The following FANCA variants were observed in gnomAD, a reference collection of about 807,000 sequenced individuals.
The protein encoded by FANCA is Fanconi anemia group A protein.
A neutral mutation model predicts 194.3 loss-of-function variants in FANCA; 236 were observed. The observed-to-expected ratio is 1.21, with a 90% CI of 1.09 to 1.35. The LOEUF (loss-of-function observed/expected upper bound fraction) is 1.35, where lower values mean the gene tolerates loss of function less well. FANCA is among the 40% of genes most tolerant of loss of function. The pLI is 0.00. For synonymous variants in FANCA, 1,014 were observed against 715.8 expected (o/e 1.42, Z -6.65); for missense variants, 2,628 against 1,813.9 (o/e 1.45, Z -8.15).
rs1338127562 is a variant in FANCA, at chr16:89,792,736, T to C, written c.1007-189A>G. 9.0e-6 allele frequency: 5 copies of C among 556,662 alleles called. No homozygotes were observed. In the East Asian group the frequency reaches 1.7e-4, roughly 19 times the overall value. 34.5% of individuals were successfully genotyped at this position (556,662 alleles called of 1,614,324 possible). On this transcript the variant is annotated intron_variant, in intron 11 of 42. Transcript: ENST00000389301. ...GGGCCCGGGGGACCACTACCATCAA[T>C]GCGCGGAGACCGGTAGTGGCCCTGA...
intron 14 of FANCA, among the ~76,000 whole-genome samples, chr16:89,788,791 C>G (rs1477242819): frequency 6.6e-6 from 1 of 152,094 alleles, no homozygotes; most frequent in African/African-American, 2.4e-5. Flanking sequence ...CACTCAGTCT[C>G]TTAAAAGAAA....
At chr16:89,751,265 C>A (rs757245769) in intron 31 of FANCA, among the ~76,000 whole-genome samples, 1 of 151,896 alleles carries the variant, frequency 6.6e-6, no homozygotes, top group Non-Finnish European at 1.5e-5. Context: ...TTTTGGAGAC[C>A]GAGATGGGTG....
intron 23 of FANCA, 126 bp from the exon 24 acceptor site, chr16:89,770,760 G>GT: frequency 3.7e-6 from 3 of 815,994 alleles, no homozygotes; most frequent in Non-Finnish European, 6.2e-6. Context: ...AAACAGGCTT[G>GT]TTTGGAGGGC....
At chr16:89,775,401 T>G (rs898669032) in intron 21 of FANCA, among the ~76,000 whole-genome samples, 3 of 152,230 alleles carry the variant, frequency 2.0e-5, no homozygotes, top group Admixed American at 6.5e-5. Flanking sequence ...GCCAGCGCTG[T>G]GGGCCCCAAG....
At chr16:89,755,231 GAC>G (rs968754605) in intron 30 of FANCA, among the ~76,000 whole-genome samples, 2 of 148,936 alleles carry the variant, frequency 1.3e-5, no homozygotes, top group Non-Finnish European at 3.0e-5. Context: ...TTTTTTTTGA[GAC>G]AGTCTCTCAC....
chr16:89,797,816 A>G (rs2040299711), intron 10 of FANCA, among the ~76,000 whole-genome samples: 1 of 152,000 alleles, frequency 6.6e-6, no homozygotes, highest in Admixed American at 6.6e-5. Flanking sequence ...AATTGATTGA[A>G]CCTGGGAGGC....
At chr16:89,759,218 G>C (rs1391452583) in intron 29 of FANCA, among the ~76,000 whole-genome samples, 1 of 150,570 alleles carries the variant, frequency 6.6e-6, no homozygotes, top group South Asian at 2.1e-4. Context: ...TACTCAGGAG[G>C]CTGAGGCAGG....
At chr16:89,750,496 C>A (rs1352585854) in intron 31 of FANCA, among the ~76,000 whole-genome samples, 5,784 of 123,504 alleles carry the variant, frequency 0.047, 297 homozygotes, top group East Asian at 0.17. Context: ...AAAAAACAAA[C>A]AAAAAAAAAC....
intron 8 of FANCA, among the ~76,000 whole-genome samples, chr16:89,801,895 CACAAAAAA>C (rs1175931827): frequency 6.6e-6 from 1 of 151,306 alleles, no homozygotes; most frequent in East Asian, 1.9e-4. Context: ...CTCAAAAAAA[CACAAAAAA>C]ACAAAAAAAA....
At chr16:89,790,418 A>T (rs1012266665) in intron 14 of FANCA, among the ~76,000 whole-genome samples, 3 of 148,998 alleles carry the variant, frequency 2.0e-5, no homozygotes, top group Non-Finnish European at 4.4e-5. Context: ...GTAAATAAAT[A>T]AAATAAATAA....
rs568783222 is a variant in FANCA, at chr16:89,766,583, C to T, written c.2601+558G>A. 3.1e-4 allele frequency among the ~76,000 whole-genome samples: 47 copies of T among 152,072 alleles called. 1 individual carries two copies. In the South Asian group the frequency reaches 9.2e-3, roughly 30 times the overall value. On this transcript the variant is annotated intron_variant, in intron 27 of 42. Transcript: ENST00000389301. ...CAAAACAATTAGCCGGGTATGGTGG[C>T]ACGTGCCTGTAATCCCAGCAACTTG...
chr16:89,779,549 G>A (rs1395374413), intron 18 of FANCA, among the ~76,000 whole-genome samples: 2 of 152,168 alleles, frequency 1.3e-5, no homozygotes, highest in African/African-American at 4.8e-5. Context: ...CACGGGAGGG[G>A]CATCACCTGC....
intron 37 of FANCA, 146 bp downstream of exon 37, chr16:89,742,654 A>AAAAAAAAAAAAAC: frequency 7.5e-6 from 1 of 134,028 alleles, no homozygotes; most frequent in Non-Finnish European, 1.3e-5. Context: ...CTAAAAATAC[A>AAAAAAAAAAAAAC]AAAAAAAAAA....
At position 89,795,284 on chromosome 16, in the gene FANCA, CAATAAATA is replaced by C. The variant is rs71391243; in HGVS notation, c.1006+614_1006+621del. On this transcript the variant is annotated intron_variant, in intron 11 of 42. Transcript: ENST00000389301. The stretch of plus-strand genomic sequence containing the variant: ...TGGCAACAGAGCAAGACTCCATCTC[CAATAAATA>C]AATAAATAAATAAATAAATAAATAA... 9.4e-3 allele frequency among the ~76,000 whole-genome samples: 1,321 copies of C among 140,052 alleles called. 20 individuals are homozygous for C. Among genetic ancestry groups the C allele is most frequent in the African/African-American group, 0.033 (1,209 of 37,178 alleles). The allele number at this position is 140,052 out of a possible 152,430, so 91.9% of individuals were successfully genotyped here.
At chr16:89,755,075 C>T (rs971835413) in intron 30 of FANCA, among the ~76,000 whole-genome samples, 9 of 152,170 alleles carry the variant, frequency 5.9e-5, no homozygotes, top group African/African-American at 2.2e-4. Flanking sequence ...GAAACAAACC[C>T]TCACACGAGC....
chr16:89,778,656 A>AGAAAC, intron 20 of FANCA, 145 bp downstream of exon 20: 1 of 647,238 alleles, frequency 1.5e-6, no homozygotes, highest in Non-Finnish European at 2.6e-6. Flanking sequence ...AAAAAAAAAA[A>AGAAAC]AGTAACCAAC....
At chr16:89,815,224 A>G (rs2041057971) in intron 2 of FANCA, among the ~76,000 whole-genome samples, 1 of 150,472 alleles carries the variant, frequency 6.6e-6, no homozygotes, top group Non-Finnish European at 1.5e-5. Context: ...TTAAGTAGTG[A>G]CGGGGTTTCA....
chr16:89,801,897 C>CA lies in FANCA; in HGVS notation c.792+1361dup, dbSNP rs547100916. Among the ~76,000 whole-genome samples the CA allele has an allele frequency of 4.1e-4, 62 of 150,132 alleles. No individual in the cohort carries two copies. The South Asian group carries it at 8.2e-3, about 20-fold the overall frequency. On this transcript the variant is annotated intron_variant, in intron 8 of 42. Transcript: ENST00000389301. Reference sequence around the variant, plus strand: ...AGAGAGACACCGTCTCAAAAAAACACAAAAAAACAAAAAAAAAACCAGAAC... The same window carrying CA: ...AGAGAGACACCGTCTCAAAAAAACACAAAAAAAACAAAAAAAAAACCAGAAC...
intron 33 of FANCA, among the ~76,000 whole-genome samples, chr16:89,747,586 C>A (rs1340429970): frequency 6.6e-6 from 1 of 152,112 alleles, no homozygotes; most frequent in Non-Finnish European, 1.5e-5. Context: ...GTAGTCCCAG[C>A]TACTCAGGAG....
Sources: allele counts gnomAD v4.1 joint callset (sites outside exome capture counted in the v4.1 genomes callset), GRCh38; gene constraint gnomAD v4.1.1; transcripts MANE v1.5; gene names NCBI Gene and HGNC (gene_info 2026-07-23, HGNC 2026-07-21).